Variants in CSMD3 observed in about 807,000 individuals in gnomAD.
The protein encoded by CSMD3 is CUB and sushi domain-containing protein 3.
Under a neutral mutation model 435.2 loss-of-function variants are expected in CSMD3, and 177 were observed. The ratio of observed to expected loss-of-function variants is 0.41; its 90% CI spans 0.36 to 0.46. The LOEUF (loss-of-function observed/expected upper bound fraction) is 0.46, where lower values mean the gene tolerates loss of function less well. Among genes scored for constraint, CSMD3 ranks in the 20% least tolerant of loss-of-function variants. The probability of loss-of-function intolerance (pLI) is 0.34; values close to 1 mark genes in which losing one functional copy is unlikely to be tolerated. For missense variants in CSMD3, 4,265 were observed against 4,504.6 expected (o/e 0.95, Z 1.52); for synonymous variants, 1,656 against 1,520.5 (o/e 1.09, Z -2.07).
chr8:113,272,375 G>T (rs2093535275), intron 3 of CSMD3, among the ~76,000 whole-genome samples: 2 of 152,162 alleles, frequency 1.3e-5, no homozygotes, highest in African/African-American at 2.4e-5. Context: ...GACCCAGTGG[G>T]GGATAATTTA....
chr8:112,260,630 GTAAA>G (rs1465449554), intron 61 of CSMD3, among the ~76,000 whole-genome samples: 1 of 151,692 alleles, frequency 6.6e-6, no homozygotes, highest in Non-Finnish European at 1.5e-5. Flanking sequence ...ACTCATCTTT[GTAAA>G]ACCTACTTGA....
intron 11 of CSMD3, among the ~76,000 whole-genome samples, chr8:112,835,962 T>C (rs190407006): frequency 9.0e-4 from 137 of 152,026 alleles, no homozygotes; most frequent in African/African-American, 3.1e-3. Flanking sequence ...CCACTCTGTG[T>C]AGCTTCAATT....
chr8:113,178,212 C>T (rs948768595), intron 3 of CSMD3, among the ~76,000 whole-genome samples: 1 of 151,898 alleles, frequency 6.6e-6, no homozygotes, highest in African/African-American at 2.4e-5. Flanking sequence ...AAACACTAGA[C>T]ATTATGGGTA....
chr8:113,339,025 G>A (rs896849271), intron 1 of CSMD3, among the ~76,000 whole-genome samples: 1 of 151,872 alleles, frequency 6.6e-6, no homozygotes, highest in Non-Finnish European at 1.5e-5. Flanking sequence ...TCTGAAGCCA[G>A]ACATTCTCAT....
chr8:112,332,561 T>C (rs1824169094), intron 45 of CSMD3, among the ~76,000 whole-genome samples: 1 of 152,132 alleles, frequency 6.6e-6, no homozygotes, highest in Non-Finnish European at 1.5e-5. Flanking sequence ...AAGCAGTGCT[T>C]TAGAAAAATT....
At chr8:113,117,909 C>A (rs1187971659) in intron 4 of CSMD3, among the ~76,000 whole-genome samples, 1 of 152,158 alleles carries the variant, frequency 6.6e-6, no homozygotes, top group Non-Finnish European at 1.5e-5. Context: ...TGCCTATATC[C>A]CCATTGTATA....
intron 4 of CSMD3, among the ~76,000 whole-genome samples, chr8:113,162,286 T>C (rs1157690753): frequency 1.3e-5 from 2 of 151,998 alleles, no homozygotes; most frequent in Non-Finnish European, 2.9e-5. Flanking sequence ...TAAGAACTTG[T>C]CACTCTAGGC....
intron 10 of CSMD3, among the ~76,000 whole-genome samples, chr8:112,875,383 AC>A (rs1200892649): frequency 2.0e-5 from 3 of 151,928 alleles, no homozygotes; most frequent in African/African-American, 7.3e-5. Flanking sequence ...GGTGAATCTG[AC>A]GATTATATTT....
At chr8:113,049,825 G>T (rs2088008558) in intron 5 of CSMD3, among the ~76,000 whole-genome samples, 1 of 152,018 alleles carries the variant, frequency 6.6e-6, no homozygotes, top group South Asian at 2.1e-4. Context: ...TATTTTCAGG[G>T]ATTACATGGG....
At chr8:112,772,516 G>A (rs1194601108) in intron 13 of CSMD3, among the ~76,000 whole-genome samples, 1 of 152,086 alleles carries the variant, frequency 6.6e-6, no homozygotes. Context: ...ATTGTCCAAG[G>A]TTTCTCCCCA....
At chr8:112,908,133 T>C (rs756110441) in intron 10 of CSMD3, among the ~76,000 whole-genome samples, 4 of 151,520 alleles carry the variant, frequency 2.6e-5, no homozygotes, top group Non-Finnish European at 5.9e-5. Flanking sequence ...ATTTATTCAT[T>C]ATTAATATTC....
chr8:112,500,119 C>T (rs771765146), intron 30 of CSMD3, among the ~76,000 whole-genome samples: 12 of 151,020 alleles, frequency 7.9e-5, no homozygotes, highest in East Asian at 1.9e-4. Context: ...CAAAAAAAAA[C>T]AAAAGCAGTA....
intron 3 of CSMD3, among the ~76,000 whole-genome samples, chr8:113,265,648 C>A (rs1387146709): frequency 6.6e-6 from 1 of 151,498 alleles, no homozygotes; most frequent in African/African-American, 2.4e-5. Flanking sequence ...CTAGCCGAAT[C>A]TGAATATTCA....
intron 2 of CSMD3, among the ~76,000 whole-genome samples, chr8:113,282,482 G>A (rs942627784): frequency 7.3e-5 from 11 of 151,678 alleles, no homozygotes; most frequent in African/African-American, 2.7e-4. Context: ...ACCCTTTTAT[G>A]ATAGCTGCAA....
At chr8:112,390,024 A>C (rs1422321957) in intron 36 of CSMD3, among the ~76,000 whole-genome samples, 1 of 152,222 alleles carries the variant, frequency 6.6e-6, no homozygotes, top group Non-Finnish European at 1.5e-5. Context: ...AGATGTGTGC[A>C]TAATAGGAGG....
rs538397961 is a variant in CSMD3 at position 112,305,346 on chromosome 8, G to A, written c.8072-431C>T. Among the ~76,000 whole-genome samples, 11 of 152,072 alleles carry A rather than the reference G, an allele frequency of 7.2e-5. No homozygotes were observed. The East Asian group carries it at 9.7e-4, about 13-fold the overall frequency. On this transcript the variant is annotated intron_variant, in intron 51 of 70. Transcript: ENST00000297405. ...TATTAGAAACCTATGCTGAGAGTGCGAACAACTTAACAATCTTCATTTTAA... is the reference window on the plus strand; with the variant it reads ...TATTAGAAACCTATGCTGAGAGTGCAAACAACTTAACAATCTTCATTTTAA...
At chr8:112,546,586 C>T (rs138122164) in intron 27 of CSMD3, among the ~76,000 whole-genome samples, 10 of 152,216 alleles carry the variant, frequency 6.6e-5, no homozygotes, top group Middle Eastern at 3.4e-3. Context: ...ATAGAAAATG[C>T]TCTGTCAGAA....
intron 45 of CSMD3, among the ~76,000 whole-genome samples, chr8:112,332,487 A>T (rs1824162554): frequency 6.6e-6 from 1 of 152,116 alleles, no homozygotes; most frequent in South Asian, 2.1e-4. Flanking sequence ...ACTGGATTAT[A>T]GGGTAGCTTT....
At chr8:112,545,699 T>A (rs1317315526) in intron 27 of CSMD3, among the ~76,000 whole-genome samples, 1 of 152,002 alleles carries the variant, frequency 6.6e-6, no homozygotes, top group Non-Finnish European at 1.5e-5. Context: ...AAAACCACAA[T>A]TACTTTTGCA....
Sources: allele counts gnomAD v4.1 joint callset (sites outside exome capture counted in the v4.1 genomes callset), GRCh38; gene constraint gnomAD v4.1.1; transcripts MANE v1.5; gene names NCBI Gene and HGNC (gene_info 2026-07-23, HGNC 2026-07-21).